The following PCDH15 variants were observed in gnomAD, a reference collection of about 807,000 sequenced individuals.
PCDH15 encodes protocadherin related 15, also known as protocadherin-15.
Under a neutral mutation model 178.5 loss-of-function variants are expected in PCDH15, and 129 were observed. The observed-to-expected ratio is 0.72, with a 90% CI of 0.63 to 0.84. The LOEUF (loss-of-function observed/expected upper bound fraction) is 0.84. Among genes scored for constraint, PCDH15 ranks in the 40% least tolerant of loss-of-function variants. The probability of loss-of-function intolerance (pLI) is 0.00; values close to 1 mark genes in which losing one functional copy is unlikely to be tolerated. For missense variants in PCDH15, 2,230 were observed against 2,099.9 expected (o/e 1.06, Z -1.21); for synonymous variants, 800 against 732.0 (o/e 1.09, Z -1.50).
At chr10:53,923,770 C>A (rs2084212290) in intron 25 of PCDH15, among the ~76,000 whole-genome samples, 1 of 152,116 alleles carries the variant, frequency 6.6e-6, no homozygotes, top group African/African-American at 2.4e-5. Flanking sequence ...TTTGACTTTT[C>A]TTGAAACCCT....
At chr10:55,557,837 T>C (rs1049141789) in intron 2 of PCDH15, among the ~76,000 whole-genome samples, 10 of 152,182 alleles carry the variant, frequency 6.6e-5, no homozygotes, top group African/African-American at 7.2e-5. Context: ...TACACTGACA[T>C]ATGGAAGTGG....
Position 54,884,875 on chromosome 10 carries a change from T to C in PCDH15, c.-29+12575A>G, listed in dbSNP as rs549795771. On this transcript the variant is annotated intron_variant, in intron 3 of 5. Transcript: ENST00000458638. ...CATTTCAATGTTTTAAAAAATACAT[T>C]AAATTGAGTCTTCAATTAGATATGA... Among the ~76,000 whole-genome samples, 12 of 152,176 alleles carry C rather than the reference T, an allele frequency of 7.9e-5. No individual in the cohort carries two copies. The South Asian group carries it at 2.5e-3, about 32-fold the overall frequency.
At chr10:55,323,394 T>C (rs528428995), upstream of PCDH15, among the ~76,000 whole-genome samples, 3 of 152,288 alleles carry the variant, frequency 2.0e-5, no homozygotes, top group East Asian at 5.8e-4. Context: ...TGACAGCTTC[T>C]ACTGTGTGCT....
intron 1 of PCDH15, among the ~76,000 whole-genome samples, chr10:55,252,250 A>G (rs1307894642): frequency 6.6e-6 from 1 of 152,094 alleles, no homozygotes; most frequent in Admixed American, 6.6e-5. Flanking sequence ...ACAGAGATGT[A>G]TTTTCTCGGG....
chr10:54,060,957 T>A (rs4418715), intron 18 of PCDH15, among the ~76,000 whole-genome samples: 93,790 of 151,978 alleles, frequency 0.62, 29,271 homozygotes, highest in Middle Eastern at 0.76. Context: ...AGCTGGACAC[T>A]GATTTAGTAG....
chr10:53,914,513 G>A (rs761390054), intron 25 of PCDH15, among the ~76,000 whole-genome samples: 4 of 152,120 alleles, frequency 2.6e-5, no homozygotes, highest in Non-Finnish European at 5.9e-5. Context: ...CTATTGCAGG[G>A]ACAGAAATCC....
intron 2 of PCDH15, among the ~76,000 whole-genome samples, chr10:55,605,325 G>T (rs1011054048): frequency 1.3e-5 from 2 of 152,084 alleles, no homozygotes; most frequent in Non-Finnish European, 1.5e-5. Flanking sequence ...GTGCAAGGAG[G>T]AACTGGTACC....
chr10:54,052,549 C>T (rs568378842), intron 18 of PCDH15, among the ~76,000 whole-genome samples: 1 of 152,116 alleles, frequency 6.6e-6, no homozygotes. Flanking sequence ...ACGCCTGTAC[C>T]CTCATTGTAT....
intron 1 of PCDH15, among the ~76,000 whole-genome samples, chr10:55,302,522 G>A (rs186568890): frequency 6.6e-6 from 1 of 152,086 alleles, no homozygotes; most frequent in Non-Finnish European, 1.5e-5. Flanking sequence ...CACCTAGAGT[G>A]TCAAGACAGG....
At chr10:55,125,999 C>A (rs1837889593) in intron 2 of PCDH15, among the ~76,000 whole-genome samples, 1 of 152,046 alleles carries the variant, frequency 6.6e-6, no homozygotes, top group Admixed American at 6.6e-5. Context: ...CATTAAGTTG[C>A]AATGTATTTC....
At position 54,275,713 on chromosome 10, in the gene PCDH15, C is replaced by G. The variant is rs150558881; in HGVS notation, c.877-38782G>C. ...TACTAATTTGAAGAGGATAAAAGAG[C>G]AAGGCATCTCCCTTGCTGACAGAAA... On this transcript the variant is annotated intron_variant, in intron 8 of 37. Coordinates refer to ENST00000644397, the MANE Select transcript of PCDH15 (RefSeq NM_001384140.1). Among the ~76,000 whole-genome samples the G allele has an allele frequency of 3.4e-4, 52 of 151,506 alleles. 1 individual carries two copies. The East Asian group carries it at 7.8e-3, about 23-fold the overall frequency.
intron 18 of PCDH15, among the ~76,000 whole-genome samples, chr10:54,033,529 C>T (rs983402764): frequency 2.0e-4 from 30 of 151,900 alleles, no homozygotes; most frequent in African/African-American, 7.2e-4. Context: ...GCACTCATTA[C>T]AGTGGCATCA....
intron 1 of PCDH15, among the ~76,000 whole-genome samples, chr10:55,303,949 A>AT (rs991912880): frequency 6.6e-6 from 1 of 151,748 alleles, no homozygotes; most frequent in African/African-American, 2.4e-5. Flanking sequence ...TTTGCACTTC[A>AT]TTTTTTTTAG....
At chr10:54,569,112 A>T (rs1362009671) in intron 2 of PCDH15, among the ~76,000 whole-genome samples, 1 of 151,988 alleles carries the variant, frequency 6.6e-6, no homozygotes, top group Non-Finnish European at 1.5e-5. Flanking sequence ...AAAATAAAAG[A>T]AAAAAAGCAA....
intron 2 of PCDH15, among the ~76,000 whole-genome samples, chr10:55,532,088 C>T (rs138265709): frequency 6.6e-6 from 1 of 151,708 alleles, no homozygotes; most frequent in Non-Finnish European, 1.5e-5. Flanking sequence ...TTGTACATAG[C>T]TATTTATAAT....
At chr10:53,994,722 T>C (rs2091740189) in intron 21 of PCDH15, 2 of 152,164 alleles carry the variant, frequency 1.3e-5, no homozygotes, top group South Asian at 4.1e-4. Flanking sequence ...ACCACTTTCA[T>C]ATTAACATTA....
intron 7 of PCDH15, among the ~76,000 whole-genome samples, chr10:54,321,488 T>C (rs1046919176): frequency 6.6e-6 from 1 of 151,796 alleles, no homozygotes; most frequent in Non-Finnish European, 1.5e-5. Context: ...TATATGCATA[T>C]ATACACATAC....
intron 3 of PCDH15, among the ~76,000 whole-genome samples, chr10:54,844,840 T>C (rs951672834): frequency 6.6e-6 from 1 of 151,934 alleles, no homozygotes; most frequent in African/African-American, 2.4e-5. Context: ...CTTGATGTTT[T>C]TTCAGAAATT....
chr10:55,290,378 A>G (rs1253845478), intron 1 of PCDH15, among the ~76,000 whole-genome samples: 1 of 152,124 alleles, frequency 6.6e-6, no homozygotes, highest in African/African-American at 2.4e-5. Flanking sequence ...TATTGACAAT[A>G]AAGGTATTGG....
Sources: allele counts gnomAD v4.1 joint callset (sites outside exome capture counted in the v4.1 genomes callset), GRCh38; gene constraint gnomAD v4.1.1; transcripts MANE v1.5; gene names NCBI Gene and HGNC (gene_info 2026-07-23, HGNC 2026-07-21).